The following GLIS3 variants were observed in gnomAD, a reference collection of about 807,000 sequenced individuals.
The protein encoded by GLIS3 is zinc finger protein GLIS3.
Under a neutral mutation model 78.6 loss-of-function variants are expected in GLIS3, and 53 were observed. That is an observed-to-expected ratio of 0.67 (90% CI 0.54 to 0.85). The LOEUF (loss-of-function observed/expected upper bound fraction) is 0.85, where lower values mean the gene tolerates loss of function less well. GLIS3 is among the 40% of genes least tolerant of loss of function. GLIS3 has a pLI of 0.00. For synonymous variants in GLIS3, 684 were observed against 509.9 expected (o/e 1.34, Z -4.60); for missense variants, 1,703 against 1,231.1 (o/e 1.38, Z -5.74).
chr9:3,828,268 G>T lies in GLIS3; in HGVS notation c.*4C>A, dbSNP rs1357243597. Reference sequence around the variant, plus strand: ...TGGGTGTGCAGGAGTGGCCAAGAGAGCTTTTAGCCTTCGGTGTAGACAGAG... The same window carrying T: ...TGGGTGTGCAGGAGTGGCCAAGAGATCTTTTAGCCTTCGGTGTAGACAGAG... On this transcript the variant is annotated 3_prime_UTR_variant, in exon 11 of 11. Coordinates refer to ENST00000381971, the MANE Select transcript of GLIS3 (RefSeq NM_001042413.2). 4.3e-6 allele frequency: 7 copies of T among 1,613,934 alleles called. No homozygotes were observed. The African/African-American group carries it at 8.0e-5, about 18-fold the overall frequency.
chr9:3,963,394 A>T (rs1416476589), intron 4 of GLIS3, among the ~76,000 whole-genome samples: 1 of 152,178 alleles, frequency 6.6e-6, no homozygotes, highest in Non-Finnish European at 1.5e-5. Flanking sequence ...CCCCAGTATC[A>T]CTGGCCCTGC....
At chr9:3,890,285 C>G (rs565518489) in intron 7 of GLIS3, among the ~76,000 whole-genome samples, 2 of 152,204 alleles carry the variant, frequency 1.3e-5, no homozygotes, top group South Asian at 4.1e-4. Context: ...CAACAAAAGT[C>G]TAATTTGCAG....
chr9:4,420,527 G>C, the GLIS3 span, among the ~76,000 whole-genome samples: 14 of 152,212 alleles, frequency 9.2e-5, no homozygotes, highest in South Asian at 1.9e-3. Flanking sequence ...TAAACTCGGG[G>C]GTAAGGCAGG....
intron 4 of GLIS3, among the ~76,000 whole-genome samples, chr9:3,971,555 G>T (rs1376914991): frequency 1.3e-5 from 2 of 152,136 alleles, no homozygotes. Flanking sequence ...CAAAGACACA[G>T]ACACAACTGA....
chr9:4,410,659 T>A, the GLIS3 span, among the ~76,000 whole-genome samples: 1 of 152,180 alleles, frequency 6.6e-6, no homozygotes, highest in Admixed American at 6.5e-5. Context: ...GCTACAGAAA[T>A]AGCAGCATTA....
At chr9:4,231,028 T>C (rs1175758739) in intron 2 of GLIS3, among the ~76,000 whole-genome samples, 2 of 152,082 alleles carry the variant, frequency 1.3e-5, no homozygotes, top group African/African-American at 2.4e-5. Context: ...GCTATGATTG[T>C]GACACTGCAC....
chr9:4,232,729 A>G (rs1822384071), intron 2 of GLIS3, among the ~76,000 whole-genome samples: 1 of 152,194 alleles, frequency 6.6e-6, no homozygotes, highest in Admixed American at 6.5e-5. Flanking sequence ...AAGTTGGAGG[A>G]CACAGAAACG....
intron 2 of GLIS3, among the ~76,000 whole-genome samples, chr9:4,134,132 G>C (rs1304721783): frequency 6.6e-6 from 1 of 152,092 alleles, no homozygotes; most frequent in African/African-American, 2.4e-5. Context: ...CCCTTTTACT[G>C]TGCAAACCTG....
At chr9:4,323,000 G>C (rs1410786181) in intron 2 of GLIS3, among the ~76,000 whole-genome samples, 1 of 152,136 alleles carries the variant, frequency 6.6e-6, no homozygotes, top group Non-Finnish European at 1.5e-5. Context: ...CCTATGTCCT[G>C]AATGGTATTG....
At chr9:3,863,448 G>A (rs1273848697) in intron 8 of GLIS3, among the ~76,000 whole-genome samples, 1 of 152,258 alleles carries the variant, frequency 6.6e-6, no homozygotes, top group East Asian at 1.9e-4. Flanking sequence ...GACTGGGGCA[G>A]GGCAAGAGCT....
chr9:4,062,918 G>C (rs919896326), intron 4 of GLIS3, among the ~76,000 whole-genome samples: 2 of 149,606 alleles, frequency 1.3e-5, no homozygotes, highest in African/African-American at 4.9e-5. Context: ...GACTGAGCGA[G>C]ACTCCATTTC....
intron 2 of GLIS3, among the ~76,000 whole-genome samples, chr9:4,333,252 G>GAAAAGGGGAAGGAAAGC (rs1390799365): frequency 6.7e-6 from 1 of 148,462 alleles, no homozygotes. Flanking sequence ...GGAAGGAAAG[G>GAAAAGGGGAAGGAAAGC]AAAGAAAAAT....
intron 4 of GLIS3, among the ~76,000 whole-genome samples, chr9:4,009,886 A>G (rs1321566371): frequency 1.3e-5 from 2 of 152,144 alleles, no homozygotes; most frequent in South Asian, 2.1e-4. Flanking sequence ...CGGTCATAGG[A>G]CACAAAGGAG....
chr9:4,418,306 G>C, the GLIS3 span, among the ~76,000 whole-genome samples: 1 of 152,172 alleles, frequency 6.6e-6, no homozygotes, highest in East Asian at 1.9e-4. Flanking sequence ...GAGGTCATTG[G>C]CCTCAGGAGG....
At chr9:4,381,099 A>G in the GLIS3 span, among the ~76,000 whole-genome samples, 2 of 152,226 alleles carry the variant, frequency 1.3e-5, no homozygotes, top group East Asian at 3.8e-4. Context: ...CTTACTCATC[A>G]AAAAGGAGAG....
chr9:4,012,594 G>C (rs1822107720), intron 4 of GLIS3, among the ~76,000 whole-genome samples: 1 of 152,004 alleles, frequency 6.6e-6, no homozygotes, highest in East Asian at 1.9e-4. Flanking sequence ...TGTTGGACTA[G>C]TGTGTAAAAA....
intron 2 of GLIS3, among the ~76,000 whole-genome samples, chr9:4,216,015 A>C (rs1820795468): frequency 1.3e-5 from 2 of 152,234 alleles, no homozygotes; most frequent in Admixed American, 1.3e-4. Context: ...CTGATGGTCC[A>C]GTTGCGGCCT....
rs1383200329 is a variant in GLIS3 at position 4,286,055 on chromosome 9, G to C, written c.371C>G (p.Pro124Arg). The change falls in exon 2 of 11, where the codon CCT becomes CGT. Residue 124 changes from proline (P) to arginine (R), a missense_variant. Pro to Arg is a moderately radical substitution (Grantham distance 103). Transcript: ENST00000381971. ...AATCCTACCTTTCCCAGGATTTGGAGGAAAAGGGCTTCCAAACTCCTGCTG... is the reference window on the plus strand; with the variant it reads ...AATCCTACCTTTCCCAGGATTTGGACGAAAAGGGCTTCCAAACTCCTGCTG... Reference protein sequence around the residue: ...PKQQEFGSPFPPNPGKGALGF... With the variant: ...PKQQEFGSPFRPNPGKGALGF... 1 of 1,613,892 alleles carries C rather than the reference G, an allele frequency of 6.2e-7. No individual in the cohort carries two copies. The highest frequency in any genetic ancestry group is 1.3e-5 in the African/African-American group (1 of 75,014).
At chr9:3,833,303 G>T (rs1818155048) in intron 9 of GLIS3, among the ~76,000 whole-genome samples, 1 of 152,138 alleles carries the variant, frequency 6.6e-6, no homozygotes. Context: ...CACTGGTGTG[G>T]ATGGTTTTCA....
Sources: allele counts gnomAD v4.1 joint callset (sites outside exome capture counted in the v4.1 genomes callset), GRCh38; gene constraint gnomAD v4.1.1; transcripts MANE v1.5; gene names NCBI Gene and HGNC (gene_info 2026-07-23, HGNC 2026-07-21).